CDH23: variants seen among roughly 807,000 people sequenced by gnomAD.
The protein encoded by CDH23 is cadherin related 23.
In CDH23, 189 loss-of-function variants were observed where a neutral mutation model predicts 317.1. That is an observed-to-expected ratio of 0.60 (90% CI 0.53 to 0.67). CDH23 has a LOEUF of 0.67. Ranked by LOEUF, CDH23 falls within the 30% of genes least tolerant of loss-of-function variation. CDH23 has a pLI of 0.00. For missense variants in CDH23, 4,401 were observed against 4,592.4 expected, an observed-to-expected ratio of 0.96 and a Z score of 1.20; for synonymous variants, 1,839 against 1,876.8, an observed-to-expected ratio of 0.98 and a Z score of 0.52.
chr10:71,617,249 C>T lies in CDH23; in HGVS notation c.990C>T (p.Val330=). The T allele has an allele frequency of 6.2e-7, 1 of 1,614,006 alleles. No homozygotes were observed. Among genetic ancestry groups the T allele is most frequent in the Non-Finnish European group, 8.5e-7 (1 of 1,179,900 alleles). Residue 330 remains valine, a synonymous_variant, in exon 11 of 70, where the codon GTC becomes GTT. Coordinates refer to ENST00000224721, the MANE Select transcript of CDH23 (RefSeq NM_022124.6). ...ACCGCACCCCATCTGACGCTACAGT[C>T]ACCACGACCTTCAATATCCTGGTTA... The part of the protein sequence containing the change: ...NDDRTPSDAT[V]TTTFNILVID...
intron 9 of CDH23, among the ~76,000 whole-genome samples, chr10:71,590,923 A>C (rs1189853295): frequency 6.7e-6 from 1 of 148,866 alleles, no homozygotes; most frequent in Non-Finnish European, 1.5e-5. Flanking sequence ...TCTCTTCTCT[A>C]GGGACTGGGG....
chr10:71,559,184 C>A (rs1051081634), intron 6 of CDH23, among the ~76,000 whole-genome samples: 1 of 152,318 alleles, frequency 6.6e-6, no homozygotes, highest in Middle Eastern at 3.4e-3. Flanking sequence ...ACTGGCCCAT[C>A]TGTTTCCAGT....
Position 71,741,921 on chromosome 10 carries a change from G to C in CDH23, c.4845G>C (p.Ser1615=). The C allele has an allele frequency of 6.3e-7, 1 of 1,584,438 alleles. No individual in the cohort carries two copies. Among genetic ancestry groups the C allele is most frequent in the Non-Finnish European group, 8.6e-7 (1 of 1,164,548 alleles). ...TVEDEGTPTL[S]ATTHVYVTIV... ...AGGACGAGGGCACCCCAACCCTGTC[G>C]GTGAGCGATGGGGGTGGCCACAGGG... is the stretch of plus-strand genomic sequence containing the variant. The change falls in exon 38 of 70, where the codon TCG becomes TCC. Residue 1615 remains serine (S), a splice_region_variant and synonymous_variant. Transcript: ENST00000224721.
chr10:71,675,224 GC>G, intron 15 of CDH23, 48 bp downstream of exon 15: 1 of 1,516,370 alleles, frequency 6.6e-7, no homozygotes, highest in African/African-American at 1.4e-5. Flanking sequence ...GTGGTCCTTG[GC>G]CCTCCCCAGA....
At chr10:71,606,899 G>C (rs1860559015) in intron 9 of CDH23, among the ~76,000 whole-genome samples, 2 of 152,114 alleles carry the variant, frequency 1.3e-5, no homozygotes, top group Admixed American at 6.5e-5. Flanking sequence ...GACTGACCCA[G>C]GATCCTTATG....
At chr10:71,640,567 G>A (rs1305372477) in intron 11 of CDH23, among the ~76,000 whole-genome samples, 1 of 152,338 alleles carries the variant, frequency 6.6e-6, no homozygotes, top group East Asian at 1.9e-4. Flanking sequence ...GACCACCATG[G>A]TGAAACCCCG....
chr10:71,739,359 C>T (rs1356373698), intron 35 of CDH23, among the ~76,000 whole-genome samples: 4 of 152,164 alleles, frequency 2.6e-5, no homozygotes, highest in Non-Finnish European at 5.9e-5. Flanking sequence ...TCCCCTCTAC[C>T]CTGGGAAGAC....
Position 71,584,325 on chromosome 10 carries a change from G to A in CDH23, c.832+6333G>A, listed in dbSNP as rs149167971. Among the ~76,000 whole-genome samples, 580 of 152,262 alleles carry A rather than the reference G, an allele frequency of 3.8e-3. 7 individuals carry two copies. The highest frequency in any genetic ancestry group is 0.013 in the African/African-American group (533 of 41,538). On this transcript the variant is annotated intron_variant, in intron 9 of 69. Coordinates refer to ENST00000224721, the MANE Select transcript of CDH23 (RefSeq NM_022124.6). ...GTTGAGAAACCCTCTAGAATCAAGG[G>A]TAGGTGAGAAATATCAGGCCGAAAC...
In CDH23 at chr10:71,793,658, C is replaced by A. The variant is rs775789890; in HGVS notation, c.6712+18C>A. Reference sequence around the variant, plus strand: ...CAACACAGGTACAAGGGCCTGCACCCCTCCCACCTCCCTCCCAGCTCCCAG... The same window carrying A: ...CAACACAGGTACAAGGGCCTGCACCACTCCCACCTCCCTCCCAGCTCCCAG... On this transcript the variant is annotated intron_variant, in intron 48 of 69. Transcript: ENST00000224721. 1.3e-5 allele frequency: 19 copies of A among 1,509,772 alleles called. No individual in the cohort carries two copies. Among genetic ancestry groups the A allele is most frequent in the Non-Finnish European group, 1.5e-5 (17 of 1,119,060 alleles). The allele number at this position is 1,509,772 out of a possible 1,614,324, so 93.5% of individuals were successfully genotyped here.
chr10:71,813,177 G>C, intron 68 of CDH23, 67 bp from the exon 69 acceptor site: 1 of 1,428,464 alleles, frequency 7.0e-7, no homozygotes, highest in Non-Finnish European at 9.6e-7. Context: ...ACTCCCAGAG[G>C]GAGTGGGCGA....
At chr10:71,795,737 T>A in intron 48 of CDH23, 2 of 821,184 alleles carry the variant, frequency 2.4e-6, no homozygotes, top group Non-Finnish European at 2.9e-6. Context: ...CAGCTCTGAG[T>A]CCCCACCATC....
intron 28 of CDH23, chr10:71,717,931 T>G (rs1229792059): frequency 1.3e-5 from 2 of 152,246 alleles, no homozygotes; most frequent in Non-Finnish European, 2.9e-5. Context: ...TTCAAATATT[T>G]GAAACACTAC....
At chr10:71,402,167 C>T (rs970690769) in intron 1 of CDH23, among the ~76,000 whole-genome samples, 3 of 152,012 alleles carry the variant, frequency 2.0e-5, no homozygotes, top group East Asian at 1.9e-4. Flanking sequence ...TGTGTCACCT[C>T]GATAATAAAT....
intron 3 of CDH23, among the ~76,000 whole-genome samples, chr10:71,471,299 A>G (rs957649330): frequency 2.0e-5 from 3 of 152,158 alleles, no homozygotes; most frequent in African/African-American, 7.2e-5. Flanking sequence ...AGTTCAGCAA[A>G]TGTGTTGCAG....
chr10:71,802,264 C>T (rs532875073), intron 53 of CDH23, among the ~76,000 whole-genome samples: 7 of 152,194 alleles, frequency 4.6e-5, no homozygotes, highest in African/African-American at 1.4e-4. Context: ...GCCGAGATTG[C>T]GCCATTGCAC....
intron 20 of CDH23, 62 bp downstream of exon 20, chr10:71,690,646 G>A (rs566119992): frequency 5.7e-6 from 7 of 1,235,166 alleles, no homozygotes; most frequent in East Asian, 5.1e-5. Context: ...GTCCATACCC[G>A]GCCCCAGGAC....
intron 14 of CDH23, among the ~76,000 whole-genome samples, chr10:71,661,745 C>T (rs1290370759): frequency 8.2e-6 from 1 of 121,956 alleles, no homozygotes. Flanking sequence ...CCTGCGCGCC[C>T]TCCCACCCTG....
At chr10:71,796,176 G>T (rs530368319) in intron 48 of CDH23, 4 of 803,842 alleles carry the variant, frequency 5.0e-6, no homozygotes, top group Middle Eastern at 6.2e-4. Context: ...CCCTGTACCT[G>T]AGAGGGAGAG....
In CDH23 at chr10:71,641,275, G is replaced by C. The variant is rs557171280; in HGVS notation, c.1135-2586G>C. ...AGAGATGATGACACACTGGCTCTGG[G>C]CATCTGCATTTCTTTTTAGAACGCC... On this transcript the variant is annotated intron_variant, in intron 11 of 69. Transcript: ENST00000224721. Among the ~76,000 whole-genome samples, 11 of 152,298 alleles carry C rather than the reference G, an allele frequency of 7.2e-5. No homozygotes were observed. The East Asian group carries it at 1.7e-3, about 24-fold the overall frequency.
Sources: allele counts gnomAD v4.1 joint callset (sites outside exome capture counted in the v4.1 genomes callset), GRCh38; gene constraint gnomAD v4.1.1; transcripts MANE v1.5; gene names NCBI Gene and HGNC (gene_info 2026-07-23, HGNC 2026-07-21).